CFAP46: variants seen among roughly 807,000 people sequenced by gnomAD.
CFAP46 encodes cilia and flagella associated protein 46.
CFAP46 carries 245 observed loss-of-function variants against 325.7 expected under a neutral mutation model. That is an observed-to-expected ratio of 0.75 (90% CI 0.68 to 0.84). CFAP46 has a LOEUF of 0.84. Among genes scored for constraint, CFAP46 ranks in the 40% least tolerant of loss-of-function variants. The pLI is 0.00. For missense variants in CFAP46, 3,346 were observed against 3,543.0 expected (o/e 0.94, Z 1.41); for synonymous variants, 1,523 against 1,495.9 (o/e 1.02, Z -0.42).
In CFAP46 at chr10:132,892,437, C is replaced by T. The variant is rs930568855; in HGVS notation, c.3220-20G>A. The T allele has an allele frequency of 3.9e-5, 60 of 1,549,240 alleles. No homozygotes were observed. In the Admixed American group the frequency reaches 4.9e-4, roughly 13 times the overall value. On this transcript the variant is annotated intron_variant, in intron 24 of 57. Transcript: ENST00000368586. ...TTTCTCCTAAAGTAACGCAAGTAAA[C>T]GACACGTATATTTGAAAGTTGCAAG...
At chr10:132,831,567 T>C (rs570645441) in intron 50 of CFAP46, among the ~76,000 whole-genome samples, 2 of 152,360 alleles carry the variant, frequency 1.3e-5, no homozygotes, top group South Asian at 4.1e-4. Flanking sequence ...GCCAACCTTC[T>C]TTGGATACTA....
intron 8 of CFAP46, among the ~76,000 whole-genome samples, chr10:132,933,467 C>A (rs1427843326): frequency 6.6e-6 from 1 of 152,240 alleles, no homozygotes; most frequent in Admixed American, 6.5e-5. Context: ...CACGCTTGGC[C>A]GGACTTCAGT....
At chr10:132,845,574 C>G (rs974026449) in intron 44 of CFAP46, among the ~76,000 whole-genome samples, 1 of 152,230 alleles carries the variant, frequency 6.6e-6, no homozygotes. Context: ...GAAATGTCGT[C>G]GTCTTTTTTC....
intron 41 of CFAP46, among the ~76,000 whole-genome samples, chr10:132,848,407 A>C (rs1185762326): frequency 6.6e-6 from 1 of 152,146 alleles, no homozygotes; most frequent in Non-Finnish European, 1.5e-5. Context: ...AGGCAAAACC[A>C]AGCTGCGGCA....
chr10:132,937,621 G>C lies in CFAP46; in HGVS notation c.591C>G (p.Phe197Leu). 1 of 1,613,232 alleles carries C rather than the reference G, an allele frequency of 6.2e-7. No individual in the cohort carries two copies. The highest frequency in any genetic ancestry group is 8.5e-7 in the Non-Finnish European group (1 of 1,179,810). ...QAGRKEEAAR[F>L]CSTAAPFIKS... ...TAATGAACGGAGCTGCCGTGGAGCA[G>C]AACCTGGCAGCCTCCTCCTTTCTTC... The change falls in exon 6 of 58, where the codon TTC (phenylalanine) becomes TTG (leucine). Residue 197 changes from phenylalanine (F) to leucine (L), a missense_variant. Transcript: ENST00000368586.
At position 132,876,337 on chromosome 10, in the gene CFAP46, G is replaced by A. The variant is rs1258016903; in HGVS notation, c.4362+475C>T. On this transcript the variant is annotated intron_variant, in intron 31 of 57. Coordinates refer to ENST00000368586, the MANE Select transcript of CFAP46 (RefSeq NM_001200049.3). The surrounding 1 kb of genome is among the most constrained non-coding windows in gnomAD (Gnocchi z 4.1). Reference sequence around the variant, plus strand: ...AGGTGTGCCCTAAATGCAATTCTGTGGGAGGGAGCGGGAGATTTGATCCAC... The same window carrying A: ...AGGTGTGCCCTAAATGCAATTCTGTAGGAGGGAGCGGGAGATTTGATCCAC... Among the ~76,000 whole-genome samples, 1 of 152,176 alleles carries A rather than the reference G, an allele frequency of 6.6e-6. No homozygotes were observed. The highest frequency in any genetic ancestry group is 1.5e-5 in the Non-Finnish European group (1 of 68,020).
chr10:132,927,257 G>A (rs1476470553), intron 9 of CFAP46, among the ~76,000 whole-genome samples: 9 of 152,244 alleles, frequency 5.9e-5, no homozygotes, highest in Admixed American at 6.5e-5. Flanking sequence ...GAGCGCAGGC[G>A]CTGATGATGG....
intron 50 of CFAP46, among the ~76,000 whole-genome samples, chr10:132,823,802 TGTGCTGTGTGCTGTGTGA>T (rs1847955964): frequency 7.1e-6 from 1 of 140,438 alleles, no homozygotes; most frequent in African/African-American, 2.6e-5. Flanking sequence ...GTGCTGTGTG[TGTGCTGTGTGCTGTGTGA>T]GTGCTGATGT....
At position 132,810,416 on chromosome 10, in the gene CFAP46, C is replaced by A. The variant is rs1209351130; in HGVS notation, c.7657G>T (p.Glu2553Ter). 2 of 1,613,374 alleles carry A rather than the reference C, an allele frequency of 1.2e-6. No homozygotes were observed. The highest frequency in any genetic ancestry group is 1.7e-6 in the Non-Finnish European group (2 of 1,179,954). Residue 2553 changes from glutamate (E) to a stop codon, truncating the protein, a stop_gained, in exon 57 of 58, where the codon GAA becomes TAA. Coordinates refer to ENST00000368586, the MANE Select transcript of CFAP46 (RefSeq NM_001200049.3). LOFTEE classifies it low-confidence loss of function (END_TRUNC). The part of the protein sequence containing the change: ...PSEDEWRRGG[E>*]PRRGFSDLEG... ...AGGCCGCCCCTCCCTTACCTTGGTT[C>A]ACCGCCTCGTCGCCACTCATCTTCT...
chr10:132,935,633 T>C (rs142941913), intron 7 of CFAP46, among the ~76,000 whole-genome samples: 79 of 120,492 alleles, frequency 6.6e-4, no homozygotes, highest in African/African-American at 1.9e-3. Flanking sequence ...AAACACACTG[T>C]GATCTCCTCA....
At chr10:132,908,319 T>C in intron 22 of CFAP46, 149 bp downstream of exon 22, 1 of 951,516 alleles carries the variant, frequency 1.1e-6, no homozygotes, top group Non-Finnish European at 1.5e-6. Flanking sequence ...ACACGCGCCC[T>C]GATCTGTGAT....
At chr10:132,868,398 C>T (rs1386319311) in intron 33 of CFAP46, among the ~76,000 whole-genome samples, 1 of 152,240 alleles carries the variant, frequency 6.6e-6, no homozygotes, top group Non-Finnish European at 1.5e-5. Flanking sequence ...GACACTGCTC[C>T]ACGTCCCTTA....
At chr10:132,903,624 C>G (rs192103407) in intron 22 of CFAP46, among the ~76,000 whole-genome samples, 2 of 152,360 alleles carry the variant, frequency 1.3e-5, no homozygotes, top group East Asian at 3.8e-4. Context: ...AAACAACTGT[C>G]TCACGTATAT....
At chr10:132,819,551 C>T (rs1439421913) in intron 50 of CFAP46, among the ~76,000 whole-genome samples, 4 of 152,064 alleles carry the variant, frequency 2.6e-5, no homozygotes, top group Admixed American at 6.5e-5. Context: ...ACACTGGGCC[C>T]GATAGAAGAG....
intron 20 of CFAP46, 133 bp downstream of exon 20, chr10:132,909,786 G>C: frequency 1.2e-6 from 1 of 829,656 alleles, no homozygotes; most frequent in Non-Finnish European, 1.7e-6. Flanking sequence ...GTGGGAAAAG[G>C]GAGTGCCCAG....
Position 132,885,256 on chromosome 10 carries a change from C to T in CFAP46, c.3474G>A (p.Lys1158=), listed in dbSNP as rs1849105549. The T allele has an allele frequency of 3.9e-6, 6 of 1,549,688 alleles. No homozygotes were observed. The highest frequency in any genetic ancestry group is 4.4e-6 in the Non-Finnish European group (5 of 1,146,448). ...TCGAAAAATTCTGCCCGAGCTTGGC[C>T]TTCACGATGACCATGTGCTTGAAGA... ...LLIFKHMVIV[K]AKLGQNFSME... is the part of the protein sequence containing the mutation. The change falls in exon 27 of 58, where the codon AAG becomes AAA. Residue 1158 remains lysine (K), a synonymous_variant. Transcript: ENST00000368586.
At chr10:132,931,653 T>C (rs1377558895) in intron 8 of CFAP46, among the ~76,000 whole-genome samples, 113 of 71,216 alleles carry the variant, frequency 1.6e-3, no homozygotes, top group East Asian at 2.2e-3. Context: ...TGGGCCTCCC[T>C]ACACTCCCCA....
At chr10:132,850,970 G>T (rs1466476657) in intron 40 of CFAP46, 147 bp downstream of exon 40, 2 of 842,972 alleles carry the variant, frequency 2.4e-6, no homozygotes, top group Non-Finnish European at 1.8e-6. Flanking sequence ...CAATGCCCGG[G>T]AGCTCCCCCT....
At position 132,828,160 on chromosome 10, in the gene CFAP46, T is replaced by G. The variant is rs1848090517; in HGVS notation, c.7117+5198A>C. Among the ~76,000 whole-genome samples the G allele has an allele frequency of 6.6e-6, 1 of 152,272 alleles. No individual in the cohort carries two copies. On this transcript the variant is annotated intron_variant, in intron 50 of 57. Coordinates refer to ENST00000368586, the MANE Select transcript of CFAP46 (RefSeq NM_001200049.3). This position sits in a 1 kb window ranked among gnomAD's most constrained non-coding sequence, Gnocchi z 4.9. ...CGGTTTAGGTCATTGCAGATAACGC[T>G]GCTGTAAACATGTGTATGAGTTTCT... is the stretch of plus-strand genomic sequence containing the variant.
Sources: gnomAD v4.1 joint callset for allele counts (sites outside exome capture counted in the v4.1 genomes callset) on GRCh38, gnomAD v4.1.1 for gene constraint, Gnocchi (gnomAD v3.1) non-coding constraint, MANE v1.5 for transcripts, NCBI Gene and HGNC (gene_info 2026-07-23, HGNC 2026-07-21) for gene names.